The following SRCAP variants were observed in gnomAD, a reference collection of about 807,000 sequenced individuals.
SRCAP encodes chromatin remodeling protein SRCAP.
SRCAP carries 46 observed loss-of-function variants against 263.1 expected under a neutral mutation model. The observed-to-expected ratio is 0.17, with a 90% CI of 0.14 to 0.22. The LOEUF is 0.22. Among genes scored for constraint, SRCAP ranks in the 10% least tolerant of loss-of-function variants. SRCAP has a pLI of 1.00. For missense variants in SRCAP, 3,695 were observed against 4,181.9 expected (o/e 0.88, Z 3.21); for synonymous variants, 1,813 against 1,662.1 (o/e 1.09, Z -2.21).
rs186883352 is a variant in SRCAP, at chr16:30,720,241, G to A, written c.2897G>A (p.Arg966Gln). The A allele has an allele frequency of 1.7e-4, 271 of 1,614,006 alleles. 2 individuals are homozygous for A. Among genetic ancestry groups the A allele is most frequent in the South Asian group, 5.1e-4 (46 of 91,054 alleles). The stretch of plus-strand genomic sequence containing the variant: ...TATGAGGCAGACACATTTCTGCCCC[G>A]GCACCGCCTCTCTCGCCGGGTACTG... ...SRYEADTFLP[R>Q]HRLSRRVLLE... is the part of the protein sequence containing the mutation. The change falls in exon 19 of 34, where the codon CGG (arginine) becomes CAG (glutamine). Residue 966 changes from arginine (R) to glutamine (Q), a missense_variant. Physicochemically the swap from Arg to Gln is conservative, Grantham distance 43. This residue lies in a region of SRCAP where 147 missense variants were observed against 212.7 expected (regional missense o/e 0.69). Transcript: ENST00000262518.
At chr16:30,719,053 A>G (rs2052982505) in intron 18 of SRCAP, among the ~76,000 whole-genome samples, 1 of 151,316 alleles carries the variant, frequency 6.6e-6, no homozygotes, top group South Asian at 2.1e-4. Context: ...ACAGGTGTGC[A>G]CAACCATGCT....
chr16:30,707,126 G>A, intron 4 of SRCAP, 57 bp from the exon 5 acceptor site: 2 of 1,567,462 alleles, frequency 1.3e-6, no homozygotes, highest in East Asian at 4.5e-5. Flanking sequence ...TTCAGCCGTG[G>A]CAGTGAGATG....
Position 30,712,424 on chromosome 16 carries a change from T to C in SRCAP, c.1978T>C (p.Leu660=). The change falls in exon 13 of 34, where the codon TTG becomes CTG. Residue 660 remains leucine (L), a synonymous_variant. Transcript: ENST00000262518. ...TIQTISLLAH[L]ACEKGNWGPH... ...CCAGACCATCTCTCTGCTTGCCCAC[T>C]TGGCTTGTGAGAAAGGTAAGTAGGC... is the stretch of plus-strand genomic sequence containing the variant. 1.3e-6 allele frequency: 2 copies of C among 1,579,286 alleles called. No individual in the cohort carries two copies. The highest frequency in any genetic ancestry group is 8.6e-7 in the Non-Finnish European group (1 of 1,164,828).
chr16:30,729,324 A>G, intron 26 of SRCAP, 46 bp from the exon 27 acceptor site: 2 of 1,610,540 alleles, frequency 1.2e-6, no homozygotes, highest in Non-Finnish European at 1.7e-6. Flanking sequence ...CTTCTGGGGC[A>G]TTTCAGAGTC....
At chr16:30,734,075 T>C (rs376805012) in intron 30 of SRCAP, 67 bp downstream of exon 30, 1 of 1,389,240 alleles carries the variant, frequency 7.2e-7, no homozygotes, top group African/African-American at 1.4e-5. Context: ...TCCTCCTGTT[T>C]ATTAAAGAAG....
Position 30,710,655 on chromosome 16 carries a change from A to G in SRCAP, c.1135-99A>G, listed in dbSNP as rs567590891. On this transcript the variant is annotated intron_variant, in intron 8 of 33. Coordinates refer to ENST00000262518, the MANE Select transcript of SRCAP (RefSeq NM_006662.3). ...TTATACCAGTGGCAACTGTCACTCA[A>G]TGGGACAGTGATTCTCCTGTGACAC... 160 of 1,210,586 alleles carry G rather than the reference A, an allele frequency of 1.3e-4. No homozygotes were observed. In the Middle Eastern group the frequency reaches 1.7e-3, roughly 13 times the overall value. The allele number at this position is 1,210,586 out of a possible 1,614,324, so 75.0% of individuals were successfully genotyped here.
At chr16:30,713,112 A>G in intron 14 of SRCAP, 96 bp from the exon 15 acceptor site, 1 of 1,356,040 alleles carries the variant, frequency 7.4e-7, no homozygotes, top group Admixed American at 1.9e-5. Flanking sequence ...CTTTTCTTCC[A>G]ACCTGATTAC....
intron 30 of SRCAP, 168 bp downstream of exon 30, chr16:30,734,176 C>A (rs1024663401): frequency 2.2e-5 from 15 of 672,896 alleles, no homozygotes; most frequent in Non-Finnish European, 3.5e-5. Context: ...AACCCTGTCT[C>A]TACTAAAAAT....
At chr16:30,736,699 G>A in intron 33 of SRCAP, 75 bp downstream of exon 33, 1 of 1,488,590 alleles carries the variant, frequency 6.7e-7, no homozygotes, top group Non-Finnish European at 9.2e-7. Context: ...TTTTGAGACA[G>A]TCTCGCTCTG....
In SRCAP at chr16:30,710,003, C is replaced by T. The variant is rs376483582; in HGVS notation, c.1009C>T (p.Arg337Cys). ...AGAATTGCCACTGGAAGAGCTGCTC[C>T]GTTCCCTTCCCCCTCAGCTGTTGGA... is the stretch of plus-strand genomic sequence containing the variant. ...EGELPLEELL[R>C]SLPPQLLEGP... is the part of the protein sequence containing the mutation. Residue 337 changes from arginine to cysteine, a missense_variant, in exon 8 of 34, where the codon CGT becomes TGT. By Grantham distance (180) the Arg-to-Cys change is radical. Transcript: ENST00000262518. The T allele has an allele frequency of 2.4e-5, 39 of 1,614,146 alleles. No individual in the cohort carries two copies. Among genetic ancestry groups the T allele is most frequent in the Non-Finnish European group, 3.1e-5 (37 of 1,180,022 alleles).
rs868553710 is a variant in SRCAP at position 30,738,516 on chromosome 16, A to G, written c.8476A>G (p.Ile2826Val). Residue 2826 changes from isoleucine to valine, a missense_variant, in exon 34 of 34, where the codon ATT becomes GTT. By Grantham distance (29) the Ile-to-Val change is conservative. Coordinates refer to ENST00000262518, the MANE Select transcript of SRCAP (RefSeq NM_006662.3). ...SLPTPPQQPF[I>V]ARRHIELGVT... ...GCCCACTCCACCCCAGCAGCCCTTC[A>G]TTGCTCGCCGTCACATTGAGCTGGG... The G allele has an allele frequency of 1.2e-6, 2 of 1,611,668 alleles. No homozygotes were observed. The highest frequency in any genetic ancestry group is 1.7e-6 in the Non-Finnish European group (2 of 1,178,790).
At chr16:30,728,737 TTAACA>T (rs1217805045) in intron 25 of SRCAP, among the ~76,000 whole-genome samples, 12 of 152,338 alleles carry the variant, frequency 7.9e-5, no homozygotes, top group East Asian at 1.9e-4. Context: ...GAGAAGTTAC[TTAACA>T]TAACTTCTGA....
chr16:30,708,702 T>C (rs2052854292), intron 6 of SRCAP, among the ~76,000 whole-genome samples: 1 of 152,150 alleles, frequency 6.6e-6, no homozygotes, highest in Non-Finnish European at 1.5e-5. Context: ...CCTAAAAATA[T>C]TTTTTTGTGG....
chr16:30,736,734 A>C, intron 33 of SRCAP, 110 bp downstream of exon 33: 2 of 1,181,514 alleles, frequency 1.7e-6, no homozygotes, highest in Non-Finnish European at 2.4e-6. Flanking sequence ...GTGCAGTGGC[A>C]CAATCTCGGG....
At position 30,729,036 on chromosome 16, in the gene SRCAP, C is replaced by G. The variant is rs1229420401; in HGVS notation, c.5729C>G (p.Ala1910Gly). 22 of 1,614,068 alleles carry G rather than the reference C, an allele frequency of 1.4e-5. No individual in the cohort carries two copies. Among genetic ancestry groups the G allele is most frequent in the Non-Finnish European group, 1.9e-5 (22 of 1,180,032 alleles). The change falls in exon 26 of 34, where the codon GCT becomes GGT. Residue 1910 changes from alanine (A) to glycine (G), a missense_variant. Around this residue, in one of 12 missense-constraint regions of SRCAP, gnomAD observed 1,347 missense variants for 1,304.4 expected, o/e 1.03. Coordinates refer to ENST00000262518, the MANE Select transcript of SRCAP (RefSeq NM_006662.3). ...RLERIFQLSE[A>G]HGALAPVYGT... ...GAACGGATTTTCCAACTTAGTGAGGCTCATGGGGCCCTGGCACCTGTGTAT... is the reference window on the plus strand; with the variant it reads ...GAACGGATTTTCCAACTTAGTGAGGGTCATGGGGCCCTGGCACCTGTGTAT...
In SRCAP at chr16:30,737,542, C is replaced by G; in HGVS notation, c.7502C>G (p.Pro2501Arg). The change falls in exon 34 of 34, where the codon CCT (proline) becomes CGT (arginine). Residue 2501 changes from proline (P) to arginine (R), a missense_variant. This residue lies in a region of SRCAP where 1,207 missense variants were observed against 1,142.9 expected (regional missense o/e 1.06). Coordinates refer to ENST00000262518, the MANE Select transcript of SRCAP (RefSeq NM_006662.3). ...CCTTGTTCTTCTCCTGCCTGCACCC[C>G]TCCTCCTGCCTGTACCCCTCCACCA... Reference protein sequence around the residue: ...IPPCSSPACTPPPACTPPPAH... With the variant: ...IPPCSSPACTRPPACTPPPAH... 6.2e-7 allele frequency: 1 copy of G among 1,612,074 alleles called. No homozygotes were observed.
Position 30,738,416 on chromosome 16 carries a change from T to TGTC in SRCAP, c.8377_8379dup (p.Val2793dup). The TGTC allele has an allele frequency of 1.3e-6, 2 of 1,545,698 alleles. No homozygotes were observed. The highest frequency in any genetic ancestry group is 1.7e-6 in the Non-Finnish European group (2 of 1,146,538). ...CTAGTGCCAGCCCGGGAAGCCCGTC[T>TGTC]GTCCGCAGCATGTCAGGGCCAGAAT... On this transcript the variant is annotated inframe_insertion, in exon 34 of 34. Transcript: ENST00000262518.
At chr16:30,717,635 G>A (rs2052965278) in intron 18 of SRCAP, among the ~76,000 whole-genome samples, 1 of 94,936 alleles carries the variant, frequency 1.1e-5, no homozygotes, top group African/African-American at 3.1e-5. Context: ...TTTTTTTGAG[G>A]CGGAGTCTCG....
At chr16:30,728,786 TA>T (rs2053086296) in intron 25 of SRCAP, among the ~76,000 whole-genome samples, 179 bp from the exon 26 acceptor site, 1 of 152,114 alleles carries the variant, frequency 6.6e-6, no homozygotes, top group Non-Finnish European at 1.5e-5. Context: ...AAAAGAAAGT[TA>T]TTTAACATAA....
Sources: gnomAD v4.1 joint callset for allele counts (sites outside exome capture counted in the v4.1 genomes callset) on GRCh38, gnomAD v4.1.1 for gene constraint, gnomAD v4.1.1 regional missense constraint, MANE v1.5 for transcripts, NCBI Gene and HGNC (gene_info 2026-07-23, HGNC 2026-07-21) for gene names.